Variants in MPRIP observed in about 807,000 individuals in gnomAD.
MPRIP encodes myosin phosphatase Rho-interacting protein.
Under a neutral mutation model 234.9 loss-of-function variants are expected in MPRIP, and 59 were observed. The ratio of observed to expected loss-of-function variants is 0.25; its 90% CI spans 0.20 to 0.31. The LOEUF is 0.31. Among genes scored for constraint, MPRIP ranks in the 10% least tolerant of loss-of-function variants. The pLI is 1.00. For synonymous variants in MPRIP, 1,144 were observed against 1,263.9 expected (o/e 0.91, Z 2.01); for missense variants, 2,436 against 3,071.0 (o/e 0.79, Z 4.89).
At chr17:17,142,588 C>T in intron 7 of MPRIP, 39 bp from the exon 8 acceptor site, 2 of 1,605,366 alleles carry the variant, frequency 1.2e-6, no homozygotes, top group South Asian at 1.1e-5. Context: ...TCACAGCTCA[C>T]CTCACTGCCA....
intron 22 of MPRIP, among the ~76,000 whole-genome samples, chr17:17,177,683 T>C (rs2046286304): frequency 6.6e-6 from 1 of 152,208 alleles, no homozygotes; most frequent in Admixed American, 6.5e-5. Flanking sequence ...GTCTTATTTT[T>C]CTAAAGAACT....
intron 2 of MPRIP, 199 bp downstream of exon 2, chr17:17,075,986 C>T: frequency 1.9e-6 from 1 of 536,468 alleles, no homozygotes; most frequent in Non-Finnish European, 3.3e-6. Flanking sequence ...GTAGTGCTCC[C>T]TTCAGAATGA....
rs564985161 is a variant in MPRIP, at chr17:17,154,404, G to A, written c.1818G>A (p.Pro606=). The change falls in exon 13 of 24, where the codon CCG becomes CCA. Residue 606 remains proline (P), a synonymous_variant. Transcript: ENST00000651222. The part of the protein sequence containing the change: ...IMKHVHPTTA[P]DVTSSLPEEK... ...AGCACGTGCACCCGACCACTGCCCC[G>A]GATGTGACCAGGTAGGATGGTGAAG... The A allele has an allele frequency of 1.7e-5, 27 of 1,614,036 alleles. No homozygotes were observed. The highest frequency in any genetic ancestry group is 4.0e-5 in the African/African-American group (3 of 75,024).
At chr17:17,131,740 A>G (rs1400948998) in intron 5 of MPRIP, 39 bp downstream of exon 5, 1 of 1,583,720 alleles carries the variant, frequency 6.3e-7, no homozygotes, top group Non-Finnish European at 8.7e-7. Flanking sequence ...CCCTCAGTGG[A>G]GCCAGGGCTT....
At chr17:17,047,514 T>C (rs1446889323) in intron 1 of MPRIP, among the ~76,000 whole-genome samples, 1 of 152,200 alleles carries the variant, frequency 6.6e-6, no homozygotes, top group African/African-American at 2.4e-5. Flanking sequence ...ATCAGACTTG[T>C]TTTTTAGGAA....
intron 3 of MPRIP, among the ~76,000 whole-genome samples, chr17:17,085,367 G>A (rs1489838621): frequency 6.6e-6 from 1 of 152,148 alleles, no homozygotes; most frequent in Non-Finnish European, 1.5e-5. Flanking sequence ...TGAGCCCCAC[G>A]AGCAAGGTAT....
chr17:17,180,221 G>C lies in MPRIP; in HGVS notation c.7206+133G>C, dbSNP rs942877599. The stretch of plus-strand genomic sequence containing the variant: ...AGGGCCCAGCACTGAGCCAGCCCGA[G>C]CTCACCCTGCTGGGCTGGTTCTGGT... On this transcript the variant is annotated intron_variant, in intron 23 of 23. Transcript: ENST00000651222. 11 of 749,934 alleles carry C rather than the reference G, an allele frequency of 1.5e-5. No individual in the cohort carries two copies. The African/African-American group carries it at 1.8e-4, about 12-fold the overall frequency. 46.5% of individuals were successfully genotyped at this position (749,934 alleles called of 1,614,324 possible).
intron 3 of MPRIP, among the ~76,000 whole-genome samples, chr17:17,117,654 A>G (rs1038780382): frequency 6.6e-6 from 1 of 152,218 alleles, no homozygotes; most frequent in African/African-American, 2.4e-5. Context: ...GGCTATCGCG[A>G]ATTATGCTGC....
chr17:17,065,192 T>A (rs1357880509), intron 1 of MPRIP, among the ~76,000 whole-genome samples: 1 of 152,242 alleles, frequency 6.6e-6, no homozygotes, highest in Non-Finnish European at 1.5e-5. Context: ...ATAGTCTAGA[T>A]ATTAGTCCTT....
Position 17,171,957 on chromosome 17 carries a change from G to A in MPRIP, c.6472+92G>A, listed in dbSNP as rs7212489. 1.7e-3 allele frequency: 2,319 copies of A among 1,395,948 alleles called. 34 individuals are homozygous for A. The African/African-American group carries it at 0.03, about 18-fold the overall frequency. 86.5% of individuals were successfully genotyped at this position (1,395,948 alleles called of 1,614,324 possible). ...TCAGAGGAATGGCAGCCTTTAAATT[G>A]CCTTTTGGCTGAGATGTAAACTTCA... On this transcript the variant is annotated intron_variant, in intron 17 of 23. Coordinates refer to ENST00000651222, the MANE Select transcript of MPRIP (RefSeq NM_001364716.4).
chr17:17,165,279 C>A lies in MPRIP; in HGVS notation c.3688C>A (p.Pro1230Thr), dbSNP rs1332380233. Reference protein sequence around the residue: ...ASESPKDMEEPRSTPEETERD... With the variant: ...ASESPKDMEETRSTPEETERD... ...TGAATCTCCAAAGGACATGGAAGAG[C>A]CACGGAGTACCCCTGAAGAGACAGA... is the stretch of plus-strand genomic sequence containing the variant. Residue 1230 changes from proline to threonine, a missense_variant, in exon 16 of 24, where the codon CCA (proline) becomes ACA (threonine). Physicochemically the swap from Pro to Thr is conservative, Grantham distance 38 (BLOSUM62 -1). Coordinates refer to ENST00000651222, the MANE Select transcript of MPRIP (RefSeq NM_001364716.4). 5.4e-6 allele frequency: 7 copies of A among 1,304,058 alleles called. No individual in the cohort carries two copies. Among genetic ancestry groups the A allele is most frequent in the Non-Finnish European group, 7.1e-6 (7 of 988,950 alleles). 80.8% of individuals were successfully genotyped at this position (1,304,058 alleles called of 1,614,324 possible).
At chr17:17,065,519 T>C (rs2088997339) in intron 1 of MPRIP, among the ~76,000 whole-genome samples, 2 of 152,160 alleles carry the variant, frequency 1.3e-5, no homozygotes, top group African/African-American at 2.4e-5. Flanking sequence ...TACTAACTAC[T>C]GTTCCATTGA....
intron 23 of MPRIP, among the ~76,000 whole-genome samples, chr17:17,181,318 G>A (rs1039549146): frequency 6.6e-6 from 1 of 152,172 alleles, no homozygotes; most frequent in Non-Finnish European, 1.5e-5. Context: ...CGGCTCAGTA[G>A]CTTGATCTCG....
chr17:17,183,982 G>A (rs79382148), intron 23 of MPRIP, among the ~76,000 whole-genome samples: 5,789 of 152,348 alleles, frequency 0.038, 159 homozygotes, highest in Non-Finnish European at 0.059. Flanking sequence ...GACACTTAGC[G>A]TGAAGAGGGA....
chr17:17,140,266 C>T (rs2090785555), intron 7 of MPRIP, among the ~76,000 whole-genome samples: 1 of 152,118 alleles, frequency 6.6e-6, no homozygotes, highest in African/African-American at 2.4e-5. Flanking sequence ...TTGGCTTCTT[C>T]TCGGAGAGAC....
intron 1 of MPRIP, among the ~76,000 whole-genome samples, chr17:17,046,178 G>C (rs925496239): frequency 7.2e-5 from 11 of 152,126 alleles, no homozygotes; most frequent in Non-Finnish European, 1.3e-4. Context: ...TTTGTTTTCT[G>C]CTTATCAGCA....
In MPRIP at chr17:17,167,048, C is replaced by G; in HGVS notation, c.5457C>G (p.Ser1819=). 1 of 1,304,260 alleles carries G rather than the reference C, an allele frequency of 7.7e-7. No homozygotes were observed. Among genetic ancestry groups the G allele is most frequent in the Non-Finnish European group, 1.0e-6 (1 of 988,958 alleles). 80.8% of individuals were successfully genotyped at this position (1,304,260 alleles called of 1,614,324 possible). The change falls in exon 16 of 24, where the codon TCC becomes TCG. Residue 1819 remains serine, a synonymous_variant. Transcript: ENST00000651222. This position sits in a 1 kb window ranked among gnomAD's most constrained non-coding sequence, Gnocchi z 5.9. ...LRDCQKLLQV[S]QSLSYNTCLG... Reference sequence around the variant, plus strand: ...ATTGCCAGAAGCTTCTCCAGGTGTCCCAGAGTCTCTCGTATAACACTTGTT... The same window carrying G: ...ATTGCCAGAAGCTTCTCCAGGTGTCGCAGAGTCTCTCGTATAACACTTGTT...
At chr17:17,058,227 A>T (rs1478117979) in intron 1 of MPRIP, among the ~76,000 whole-genome samples, 4 of 152,050 alleles carry the variant, frequency 2.6e-5, no homozygotes, top group African/African-American at 9.7e-5. Context: ...AAAGGTGCTT[A>T]TGTTTGTGGT....
Position 17,180,096 on chromosome 17 carries a change from T to TG in MPRIP, c.7206+12dup, listed in dbSNP as rs1567781876. The TG allele has an allele frequency of 6.3e-7, 1 of 1,576,400 alleles. No individual in the cohort carries two copies. Among genetic ancestry groups the TG allele is most frequent in the East Asian group, 2.3e-5 (1 of 43,980 alleles). The stretch of plus-strand genomic sequence containing the variant: ...AGAAACATCAGGTCCAAGGTGAGTC[T>TG]GGGGTCCAGCCCCCTGGTGGGAGGG... On this transcript the variant is annotated intron_variant, in intron 23 of 23. Transcript: ENST00000651222.
Sources: gnomAD v4.1 joint callset for allele counts (sites outside exome capture counted in the v4.1 genomes callset) on GRCh38, gnomAD v4.1.1 for gene constraint, Gnocchi (gnomAD v3.1) non-coding constraint, MANE v1.5 for transcripts, NCBI Gene and HGNC (gene_info 2026-07-23, HGNC 2026-07-21) for gene names.